HTRA3: variants seen among roughly 807,000 people sequenced by gnomAD.
The protein encoded by HTRA3 is serine protease HTRA3.
A neutral mutation model predicts 43.2 loss-of-function variants in HTRA3; 41 were observed. That is an observed-to-expected ratio of 0.95 (90% CI 0.74 to 1.23). The LOEUF (loss-of-function observed/expected upper bound fraction) is 1.23. HTRA3 is among the 50% of genes most tolerant of loss of function. HTRA3 has a pLI of 0.00. For synonymous variants in HTRA3, 295 were observed against 287.9 expected, an observed-to-expected ratio of 1.02 and a Z score of -0.25; for missense variants, 628 against 647.1, an observed-to-expected ratio of 0.97 and a Z score of 0.32.
At position 8,306,028 on chromosome 4, in the gene HTRA3, C is replaced by A; in HGVS notation, c.1254C>A (p.Asp418Glu). The A allele has an allele frequency of 6.2e-7, 1 of 1,612,858 alleles. No homozygotes were observed. Among genetic ancestry groups the A allele is most frequent in the Non-Finnish European group, 8.5e-7 (1 of 1,179,748 alleles). Reference sequence around the variant, plus strand: ...AGGTCAACGGGCGTCCTCTAGTGGACTCGAGTGAGCTGCAGGAGGCCGTGC... The same window carrying A: ...AGGTCAACGGGCGTCCTCTAGTGGAATCGAGTGAGCTGCAGGAGGCCGTGC... ...IVKVNGRPLV[D>E]SSELQEAVLT... Residue 418 changes from aspartate to glutamate, a missense_variant, in exon 9 of 9, where the codon GAC becomes GAA. By Grantham distance (45) the Asp-to-Glu change is conservative (BLOSUM62 2). Coordinates refer to ENST00000307358, the MANE Select transcript of HTRA3 (RefSeq NM_053044.5). The surrounding 1 kb of genome is among the most constrained non-coding windows in gnomAD (Gnocchi z 8.9).
intron 3 of HTRA3, among the ~76,000 whole-genome samples, chr4:8,289,923 G>C (rs906130107): frequency 6.6e-6 from 1 of 151,330 alleles, no homozygotes; most frequent in Admixed American, 6.6e-5. Context: ...GCCCTCCTTG[G>C]GTGCAGGGAG....
intron 1 of HTRA3, among the ~76,000 whole-genome samples, chr4:8,272,403 TGG>T (rs142153867): frequency 0.76 from 115,035 of 151,848 alleles, 44,199 homozygotes; most frequent in Middle Eastern, 0.89. Context: ...GCCGTGAGCG[TGG>T]GGGGTCATGG....
In HTRA3 at chr4:8,297,643, G is replaced by A. The variant is rs1189590304; in HGVS notation, c.1051+3442G>A. On this transcript the variant is annotated intron_variant, in intron 6 of 8. Coordinates refer to ENST00000307358, the MANE Select transcript of HTRA3 (RefSeq NM_053044.5). This position sits in a 1 kb window ranked among gnomAD's most constrained non-coding sequence, Gnocchi z 5.8. ...GCAGAGACTGTGGGAAGGGAGTGGG[G>A]CAGGCTCTGGAGATTGCAGGGGACT... Among the ~76,000 whole-genome samples the A allele has an allele frequency of 6.6e-6, 1 of 152,084 alleles. No individual in the cohort carries two copies. Among genetic ancestry groups the A allele is most frequent in the East Asian group, 1.9e-4 (1 of 5,174 alleles).
chr4:8,301,127 TCA>T (rs1713634968), intron 6 of HTRA3, among the ~76,000 whole-genome samples: 2 of 148,412 alleles, frequency 1.3e-5, no homozygotes, highest in South Asian at 4.4e-4. Context: ...CTTTATTGAG[TCA>T]CACTCTTATT....
rs1713281843 is a variant in HTRA3, at chr4:8,292,338, A to G, written c.921A>G (p.Gly307=). 2.5e-6 allele frequency: 4 copies of G among 1,612,940 alleles called. No individual in the cohort carries two copies. Among genetic ancestry groups the G allele is most frequent in the African/African-American group, 1.3e-5 (1 of 74,900 alleles). Residue 307 remains glycine (G), a synonymous_variant, in exon 5 of 9, where the codon GGA becomes GGG. Coordinates refer to ENST00000307358, the MANE Select transcript of HTRA3 (RefSeq NM_053044.5). ...CCTTGCAGTACGGGAACTCCGGGGGACCACTGGTGAACCTGGTAAGTGTCC... is the reference window on the plus strand; with the variant it reads ...CCTTGCAGTACGGGAACTCCGGGGGGCCACTGGTGAACCTGGTAAGTGTCC... ...DAIINYGNSG[G]PLVNLDGEVI... is the part of the protein sequence containing the mutation.
chr4:8,302,553 T>C (rs756608600), intron 7 of HTRA3, 42 bp downstream of exon 7: 4 of 1,596,560 alleles, frequency 2.5e-6, no homozygotes, highest in Non-Finnish European at 3.4e-6. Context: ...CCCCTTCCTC[T>C]CATCCCTCAC....
intron 2 of HTRA3, among the ~76,000 whole-genome samples, chr4:8,285,521 C>T (rs906612112): frequency 1.3e-5 from 2 of 152,334 alleles, no homozygotes; most frequent in South Asian, 2.1e-4. Context: ...CTTTGTCCCT[C>T]GCACATTTTC....
rs1712968852 is a variant in HTRA3 at position 8,286,438 on chromosome 4, C to T, written c.486-123C>T. On this transcript the variant is annotated intron_variant, in intron 2 of 8. Transcript: ENST00000307358. The surrounding 1 kb of genome is among the most constrained non-coding windows in gnomAD (Gnocchi z 4.9). ...ATTCAAATGGGAGCTTGAGGGACTCCAGACCTGTGTTCTGTCAGCCACACA... is the reference window on the plus strand; with the variant it reads ...ATTCAAATGGGAGCTTGAGGGACTCTAGACCTGTGTTCTGTCAGCCACACA... The T allele has an allele frequency of 9.9e-6, 8 of 806,936 alleles. No individual in the cohort carries two copies. The Admixed American group carries it at 1.2e-4, about 12-fold the overall frequency. The allele number at this position is 806,936 out of a possible 1,614,324, so 50.0% of individuals were successfully genotyped here.
chr4:8,293,319 C>T (rs552932603), intron 5 of HTRA3, among the ~76,000 whole-genome samples: 1 of 152,190 alleles, frequency 6.6e-6, no homozygotes. Flanking sequence ...TAGAGATGGG[C>T]ACAGAGGGCC....
intron 3 of HTRA3, among the ~76,000 whole-genome samples, chr4:8,290,531 C>A (rs1259925256): frequency 6.6e-6 from 1 of 152,222 alleles, no homozygotes; most frequent in Non-Finnish European, 1.5e-5. Flanking sequence ...CAGCTTCCCT[C>A]AACGGTGACA....
chr4:8,305,589 A>C (rs1713810197), intron 8 of HTRA3, among the ~76,000 whole-genome samples: 1 of 152,110 alleles, frequency 6.6e-6, no homozygotes, highest in Non-Finnish European at 1.5e-5. Flanking sequence ...TCCCACATAG[A>C]CGTCTTCGTA....
chr4:8,277,429 G>T (rs1373971490), intron 1 of HTRA3, among the ~76,000 whole-genome samples: 1 of 152,000 alleles, frequency 6.6e-6, no homozygotes, highest in South Asian at 2.1e-4. Context: ...CAGACGCAGG[G>T]GTGCAGGCCA....
chr4:8,294,603 T>C (rs139011183), intron 6 of HTRA3, among the ~76,000 whole-genome samples: 6 of 28 alleles, frequency 0.21, no homozygotes, highest in African/African-American at 0.5. Context: ...CATCCATCCA[T>C]CCATCCATCC....
intron 6 of HTRA3, among the ~76,000 whole-genome samples, chr4:8,299,749 G>A (rs148667742): frequency 2.3e-3 from 352 of 152,046 alleles, no homozygotes; most frequent in African/African-American, 8.0e-3. Context: ...GTCTGTTAAT[G>A]TGGTAAATTG....
chr4:8,294,817 GCCATTCAT>G (rs1374199974), intron 6 of HTRA3, among the ~76,000 whole-genome samples: 60 of 41,012 alleles, frequency 1.5e-3, no homozygotes, highest in African/African-American at 4.6e-3. Flanking sequence ...CACCCACCCA[GCCATTCAT>G]CCATTCATCC....
chr4:8,293,154 T>C (rs1713310980), intron 5 of HTRA3, among the ~76,000 whole-genome samples: 1 of 152,168 alleles, frequency 6.6e-6, no homozygotes, highest in South Asian at 2.1e-4. Context: ...TCAGGCCTCG[T>C]GTGCAGATGG....
At position 8,306,100 on chromosome 4, in the gene HTRA3, C is replaced by G. The variant is rs1306698860; in HGVS notation, c.1326C>G (p.Asp442Glu). 6.2e-7 allele frequency: 1 copy of G among 1,605,564 alleles called. No individual in the cohort carries two copies. The highest frequency in any genetic ancestry group is 1.7e-5 in the Admixed American group (1 of 59,670). Residue 442 changes from aspartate (D) to glutamate (E), a missense_variant, in exon 9 of 9, where the codon GAC becomes GAG. By Grantham distance (45) the Asp-to-Glu change is conservative. Transcript: ENST00000307358. This position sits in a 1 kb window ranked among gnomAD's most constrained non-coding sequence, Gnocchi z 8.9. ...LLLEVRRGND[D>E]LLFSIAPEVV... Reference sequence around the variant, plus strand: ...TGGAGGTGCGGCGGGGGAACGACGACCTCCTCTTCAGCATCGCACCTGAGG... The same window carrying G: ...TGGAGGTGCGGCGGGGGAACGACGAGCTCCTCTTCAGCATCGCACCTGAGG...
chr4:8,280,283 C>T (rs1445060603), intron 1 of HTRA3, among the ~76,000 whole-genome samples: 1 of 152,162 alleles, frequency 6.6e-6, no homozygotes, highest in Non-Finnish European at 1.5e-5. Context: ...AGGGGAGCAG[C>T]AGACCGGCTG....
At chr4:8,298,627 T>C (rs1009638564) in intron 6 of HTRA3, among the ~76,000 whole-genome samples, 1 of 152,226 alleles carries the variant, frequency 6.6e-6, no homozygotes, top group Non-Finnish European at 1.5e-5. Flanking sequence ...GTTTTACTTT[T>C]TGAGGTTTCA....
Sources: gnomAD v4.1 joint callset for allele counts (sites outside exome capture counted in the v4.1 genomes callset) on GRCh38, gnomAD v4.1.1 for gene constraint, Gnocchi (gnomAD v3.1) non-coding constraint, MANE v1.5 for transcripts, NCBI Gene and HGNC (gene_info 2026-07-23, HGNC 2026-07-21) for gene names.